CHRM3: variants seen among roughly 807,000 people sequenced by gnomAD.
CHRM3 encodes the protein cholinergic receptor muscarinic 3.
A neutral mutation model predicts 41.8 loss-of-function variants in CHRM3; 11 were observed. That is an observed-to-expected ratio of 0.26 (90% CI 0.17 to 0.44). The LOEUF (loss-of-function observed/expected upper bound fraction) is 0.44, where lower values mean the gene tolerates loss of function less well. CHRM3 is among the 20% of genes least tolerant of loss of function. The pLI is 1.00. For missense variants in CHRM3, 571 were observed against 745.4 expected, an observed-to-expected ratio of 0.77 and a Z score of 2.72; for synonymous variants, 297 against 301.4, an observed-to-expected ratio of 0.99 and a Z score of 0.15.
intron 5 of CHRM3, among the ~76,000 whole-genome samples, chr1:239,782,430 A>G (rs1214629814): frequency 1.3e-5 from 2 of 152,064 alleles, no homozygotes; most frequent in Non-Finnish European, 2.9e-5. Flanking sequence ...TCATCCTTGT[A>G]AAGTCCATGT....
chr1:239,653,844 A>G (rs138734179), intron 4 of CHRM3, among the ~76,000 whole-genome samples: 1 of 152,220 alleles, frequency 6.6e-6, no homozygotes, highest in Non-Finnish European at 1.5e-5. Flanking sequence ...AGAGAGTTGC[A>G]ATCTTTTTGG....
At position 239,812,669 on chromosome 1, in the gene CHRM3, A is replaced by G. The variant is rs140983320; in HGVS notation, c.-146-14583A>G. Among the ~76,000 whole-genome samples, 398 of 152,334 alleles carry G rather than the reference A, an allele frequency of 2.6e-3. 2 individuals carry two copies. Among genetic ancestry groups the G allele is most frequent in the African/African-American group, 9.0e-3 (376 of 41,580 alleles). ...TATTTTCAAACATATGCTTCTAATG[A>G]GCAAACTATCCATTTATCATGCAAA... is the stretch of plus-strand genomic sequence containing the variant. On this transcript the variant is annotated intron_variant, in intron 5 of 6. Coordinates refer to ENST00000676153, the MANE Select transcript of CHRM3 (RefSeq NM_001375978.1).
chr1:239,458,990 C>A (rs1665163822), intron 1 of CHRM3, among the ~76,000 whole-genome samples: 1 of 152,076 alleles, frequency 6.6e-6, no homozygotes, highest in African/African-American at 2.4e-5. Flanking sequence ...TTGAACAAAG[C>A]TGTAGGGGTC....
chr1:239,482,766 C>T (rs2148011543), intron 1 of CHRM3, among the ~76,000 whole-genome samples: 1 of 152,208 alleles, frequency 6.6e-6, no homozygotes, highest in South Asian at 2.1e-4. Context: ...TCCATTATGG[C>T]CGGTACCTAG....
chr1:239,790,238 G>T (rs1398881411), intron 5 of CHRM3, among the ~76,000 whole-genome samples: 1 of 152,178 alleles, frequency 6.6e-6, no homozygotes, highest in Non-Finnish European at 1.5e-5. Context: ...CAGTTGGAAA[G>T]GCATGATTGG....
intron 1 of CHRM3, among the ~76,000 whole-genome samples, chr1:239,472,038 C>CA (rs1666166161): frequency 1.3e-5 from 2 of 152,120 alleles, no homozygotes; most frequent in South Asian, 4.1e-4. Flanking sequence ...ACCAAATATT[C>CA]AGCAGAAAAC....
chr1:239,906,432 C>T (rs577886260), intron 6 of CHRM3, among the ~76,000 whole-genome samples: 51 of 152,120 alleles, frequency 3.4e-4, no homozygotes, highest in South Asian at 1.2e-3. Context: ...ATCTAGTGTA[C>T]GGTGGCTGGC....
intron 5 of CHRM3, among the ~76,000 whole-genome samples, chr1:239,753,984 G>A (rs1029450077): frequency 9.2e-5 from 14 of 152,140 alleles, no homozygotes; most frequent in Non-Finnish European, 5.9e-5. Context: ...GTAGGTTAGA[G>A]GCTTTGCTAT....
At chr1:239,484,609 G>A (rs1667069055) in intron 1 of CHRM3, among the ~76,000 whole-genome samples, 1 of 152,150 alleles carries the variant, frequency 6.6e-6, no homozygotes, top group Admixed American at 6.5e-5. Flanking sequence ...TAAGGTGGGA[G>A]GATCACTTGA....
chr1:239,787,995 T>C (rs1033854139), intron 5 of CHRM3, among the ~76,000 whole-genome samples: 1 of 152,178 alleles, frequency 6.6e-6, no homozygotes, highest in Non-Finnish European at 1.5e-5. Context: ...CTCAGCACTT[T>C]GGGAGGCCAA....
intron 5 of CHRM3, among the ~76,000 whole-genome samples, chr1:239,759,976 G>A (rs1010640283): frequency 6.6e-5 from 10 of 151,772 alleles, no homozygotes; most frequent in Admixed American, 1.3e-4. Context: ...GTGCAGTGGC[G>A]CGATCTAGAC....
At position 239,851,313 on chromosome 1, in the gene CHRM3, A is replaced by C. The variant is rs564616384; in HGVS notation, c.-20+23935A>C. Among the ~76,000 whole-genome samples the C allele has an allele frequency of 4.5e-4, 69 of 152,326 alleles. 1 individual carries two copies. In the Middle Eastern group the frequency reaches 0.014, roughly 30 times the overall value. On this transcript the variant is annotated intron_variant, in intron 6 of 6. Coordinates refer to ENST00000676153, the MANE Select transcript of CHRM3 (RefSeq NM_001375978.1). Reference sequence around the variant, plus strand: ...ACTAGAATTTCCATCACTCTGAAAGATCCTAAAAGTTATAAGAAAAGATAA... The same window carrying C: ...ACTAGAATTTCCATCACTCTGAAAGCTCCTAAAAGTTATAAGAAAAGATAA...
At position 239,428,427 on chromosome 1, in the gene CHRM3, G is replaced by T. The variant is rs1349663479; in HGVS notation, c.-521+41200G>T. ...AGGAGTCAGGAATCATAGCCTAGGA[G>T]ATACTTTACAGGACAAAGATGCAGT... On this transcript the variant is annotated intron_variant, in intron 1 of 6. Coordinates refer to ENST00000676153, the MANE Select transcript of CHRM3 (RefSeq NM_001375978.1). Among the ~76,000 whole-genome samples, 10 of 152,358 alleles carry T rather than the reference G, an allele frequency of 6.6e-5. No individual in the cohort carries two copies. The South Asian group carries it at 1.7e-3, about 25-fold the overall frequency.
rs150731132 is a variant in CHRM3 at position 239,453,908 on chromosome 1, A to T, written c.-520-38801A>T. Among the ~76,000 whole-genome samples the T allele has an allele frequency of 4.4e-3, 676 of 152,272 alleles. 9 individuals are homozygous for T. Among genetic ancestry groups the T allele is most frequent in the South Asian group, 0.016 (75 of 4,828 alleles). ...GAAGGGAGAGGGGAAGCAATGAAGG[A>T]TGGGAGAGCCTCAGACCGCAGCACA... On this transcript the variant is annotated intron_variant, in intron 1 of 6. Coordinates refer to ENST00000676153, the MANE Select transcript of CHRM3 (RefSeq NM_001375978.1).
chr1:239,588,233 A>G (rs1314368662), intron 3 of CHRM3, among the ~76,000 whole-genome samples: 2 of 152,232 alleles, frequency 1.3e-5, no homozygotes, highest in Admixed American at 6.5e-5. Context: ...GACAGTATTT[A>G]TGAAACTATT....
At position 239,914,235 on chromosome 1, in the gene CHRM3, G is replaced by T. The variant is rs1488024300; in HGVS notation, c.*5011G>T. 1 of 167,048 alleles carries T rather than the reference G, an allele frequency of 6.0e-6. No homozygotes were observed. The highest frequency in any genetic ancestry group is 1.5e-5 in the Non-Finnish European group (1 of 68,112). 10.3% of individuals were successfully genotyped at this position (167,048 alleles called of 1,614,324 possible). A position where few individuals can be genotyped will look rare whatever the true frequency, so the allele number is the denominator to read the frequency against. On this transcript the variant is annotated 3_prime_UTR_variant, in exon 7 of 7. Coordinates refer to ENST00000676153, the MANE Select transcript of CHRM3 (RefSeq NM_001375978.1). ...CAAAACTCTTTTTATCCTGTATTCT[G>T]TGAGTTCCTTGATGATAGTAATTGG...
At chr1:239,684,748 G>GAGAA (rs372555411) in intron 5 of CHRM3, among the ~76,000 whole-genome samples, 6,881 of 107,780 alleles carry the variant, frequency 0.064, 445 homozygotes, top group South Asian at 0.2. Flanking sequence ...GAGAAAGAAA[G>GAGAA]AGAAAGAAAG....
chr1:239,554,942 C>A (rs989604068), intron 3 of CHRM3, among the ~76,000 whole-genome samples: 1 of 152,042 alleles, frequency 6.6e-6, no homozygotes, highest in Non-Finnish European at 1.5e-5. Flanking sequence ...ATTGGCCAGG[C>A]TGGTCTCAAA....
intron 1 of CHRM3, among the ~76,000 whole-genome samples, chr1:239,453,821 G>A (rs984340712): frequency 2.7e-4 from 41 of 152,122 alleles, no homozygotes; most frequent in Non-Finnish European, 5.9e-4. Flanking sequence ...GAAGGATAAA[G>A]GGGAGGGGAG....
Sources: gnomAD v4.1 joint callset for allele counts (sites outside exome capture counted in the v4.1 genomes callset) on GRCh38, gnomAD v4.1.1 for gene constraint, MANE v1.5 for transcripts, NCBI Gene and HGNC (gene_info 2026-07-23, HGNC 2026-07-21) for gene names.